The following IGF2BP3 variants were observed in gnomAD, a reference collection of about 807,000 sequenced individuals.
IGF2BP3 encodes insulin like growth factor 2 mRNA binding protein 3.
A neutral mutation model predicts 73.8 loss-of-function variants in IGF2BP3; 9 were observed. The ratio of observed to expected loss-of-function variants is 0.12; its 90% CI spans 0.07 to 0.21. IGF2BP3 has a LOEUF of 0.21. IGF2BP3 is among the 10% of genes least tolerant of loss of function. IGF2BP3 has a pLI of 1.00. For missense variants in IGF2BP3, 542 were observed against 714.0 expected (o/e 0.76, Z 2.75); for synonymous variants, 258 against 256.7 (o/e 1.01, Z -0.05).
chr7:23,374,923 CT>C (rs2128513808), intron 3 of IGF2BP3, among the ~76,000 whole-genome samples: 1 of 152,250 alleles, frequency 6.6e-6, no homozygotes, highest in South Asian at 2.1e-4. Context: ...AGTTTATGTT[CT>C]TCTGCCAAGG....
chr7:23,422,083 TTC>T (rs1584025440), intron 2 of IGF2BP3, among the ~76,000 whole-genome samples: 3 of 152,266 alleles, frequency 2.0e-5, no homozygotes, highest in African/African-American at 7.2e-5. Flanking sequence ...CCTGGCCCTA[TTC>T]TGTTTTAATC....
At chr7:23,436,392 G>C (rs1787809016) in intron 2 of IGF2BP3, among the ~76,000 whole-genome samples, 1 of 152,200 alleles carries the variant, frequency 6.6e-6, no homozygotes, top group East Asian at 1.9e-4. Context: ...GAGGCACAGA[G>C]ATGAATCAAA....
intron 2 of IGF2BP3, among the ~76,000 whole-genome samples, chr7:23,420,571 T>G (rs1787317317): frequency 6.6e-6 from 1 of 152,164 alleles, no homozygotes; most frequent in Admixed American, 6.5e-5. Context: ...AATCCACAAT[T>G]TTGAAGTATC....
chr7:23,412,001 T>G (rs2128531656), intron 3 of IGF2BP3, among the ~76,000 whole-genome samples: 1 of 149,116 alleles, frequency 6.7e-6, no homozygotes, highest in African/African-American at 2.5e-5. Context: ...TTTTTTTTTT[T>G]TTTTTCAGTA....
In IGF2BP3 at chr7:23,342,160, A is replaced by G; in HGVS notation, c.1107T>C (p.Asn369=). 1 of 1,613,976 alleles carries G rather than the reference A, an allele frequency of 6.2e-7. No individual in the cohort carries two copies. The highest frequency in any genetic ancestry group is 8.5e-7 in the Non-Finnish European group (1 of 1,179,926). Residue 369 remains asparagine, a synonymous_variant, in exon 10 of 15, where the codon AAT becomes AAC. Transcript: ENST00000258729. ...NLQAHLIPGL[N]LNALGLFPPT... Reference sequence around the variant, plus strand: ...GTGGGAACAGACCCAAGGCGTTCAGATTTAATCCAGGAATTAAATGTGCTT... The same window carrying G: ...GTGGGAACAGACCCAAGGCGTTCAGGTTTAATCCAGGAATTAAATGTGCTT...
intron 2 of IGF2BP3, among the ~76,000 whole-genome samples, chr7:23,452,696 G>C (rs1459792473): frequency 6.6e-6 from 1 of 151,604 alleles, no homozygotes; most frequent in East Asian, 1.9e-4. Flanking sequence ...CAGCTACTCG[G>C]GAGGCTAAGG....
chr7:23,319,823 A>G (rs1330929445), intron 10 of IGF2BP3, among the ~76,000 whole-genome samples: 1 of 152,218 alleles, frequency 6.6e-6, no homozygotes, highest in African/African-American at 2.4e-5. Flanking sequence ...AGCACAGGAC[A>G]GGATTAGGAG....
At chr7:23,327,205 C>T (rs1253069378) in intron 10 of IGF2BP3, among the ~76,000 whole-genome samples, 2 of 151,986 alleles carry the variant, frequency 1.3e-5, no homozygotes, top group African/African-American at 4.8e-5. Context: ...AAATTCAGCT[C>T]CCAAGTACTC....
chr7:23,383,988 C>T (rs139453369), intron 3 of IGF2BP3, among the ~76,000 whole-genome samples: 9 of 147,108 alleles, frequency 6.1e-5, no homozygotes, highest in South Asian at 4.3e-4. Flanking sequence ...CCCAGCTACT[C>T]GGGAGGCTGA....
At chr7:23,405,299 A>C (rs1288888073) in intron 3 of IGF2BP3, among the ~76,000 whole-genome samples, 1 of 150,546 alleles carries the variant, frequency 6.6e-6, no homozygotes, top group Non-Finnish European at 1.5e-5. Flanking sequence ...TCTCCCACTG[A>C]AAGCAGTTAA....
At chr7:23,412,892 C>T (rs550874702) in intron 3 of IGF2BP3, among the ~76,000 whole-genome samples, 125 of 75,016 alleles carry the variant, frequency 1.7e-3, no homozygotes, top group African/African-American at 5.3e-3. Context: ...CAGAGTCTTG[C>T]TTTGTCACCC....
intron 11 of IGF2BP3, among the ~76,000 whole-genome samples, chr7:23,318,599 C>G (rs947003610): frequency 6.6e-6 from 1 of 152,124 alleles, no homozygotes; most frequent in East Asian, 1.9e-4. Flanking sequence ...ACGGCAGACA[C>G]CATTATTTGT....
chr7:23,339,539 G>A (rs1784656679), intron 10 of IGF2BP3, among the ~76,000 whole-genome samples: 1 of 152,210 alleles, frequency 6.6e-6, no homozygotes, highest in African/African-American at 2.4e-5. Flanking sequence ...ATCCATGTAA[G>A]TGTAAAAGAC....
At chr7:23,380,157 C>CTTTTTTT (rs10571084) in intron 3 of IGF2BP3, among the ~76,000 whole-genome samples, 2 of 71,766 alleles carry the variant, frequency 2.8e-5, no homozygotes, top group Non-Finnish European at 5.1e-5. Flanking sequence ...CACTATGCCT[C>CTTTTTTT]TTTTTTTTTT....
intron 2 of IGF2BP3, among the ~76,000 whole-genome samples, chr7:23,460,439 G>C (rs1470170577): frequency 1.3e-5 from 2 of 151,590 alleles, no homozygotes; most frequent in African/African-American, 2.4e-5. Context: ...GGCTGAAGCA[G>C]GAGAATCACT....
At chr7:23,441,574 T>TAAAAAAAAAAA (rs769391858) in intron 2 of IGF2BP3, among the ~76,000 whole-genome samples, 3 of 56,948 alleles carry the variant, frequency 5.3e-5, no homozygotes, top group Non-Finnish European at 6.5e-5. Context: ...CTCCATCTCT[T>TAAAAAAAAAAA]AAAAAAAAAA....
At chr7:23,332,452 T>C (rs1361496779) in intron 10 of IGF2BP3, among the ~76,000 whole-genome samples, 2 of 152,242 alleles carry the variant, frequency 1.3e-5, no homozygotes, top group African/African-American at 4.8e-5. Flanking sequence ...GTTAGCTAAA[T>C]GAAATCTCCC....
intron 5 of IGF2BP3, among the ~76,000 whole-genome samples, chr7:23,359,962 A>C (rs274065): frequency 0.049 from 7,459 of 152,118 alleles, 317 homozygotes; most frequent in South Asian, 0.11. Context: ...AAAAAATTTT[A>C]CATGAACAAA....
At chr7:23,352,582 C>T (rs986118403) in intron 5 of IGF2BP3, among the ~76,000 whole-genome samples, 1 of 152,018 alleles carries the variant, frequency 6.6e-6, no homozygotes, top group Non-Finnish European at 1.5e-5. Context: ...GCTACTGTAC[C>T]CAGCCTCTTT....
Sources: gnomAD v4.1 joint callset for allele counts (sites outside exome capture counted in the v4.1 genomes callset) on GRCh38, gnomAD v4.1.1 for gene constraint, MANE v1.5 for transcripts, NCBI Gene and HGNC (gene_info 2026-07-23, HGNC 2026-07-21) for gene names.